The following GPC5 variants were observed in gnomAD, a reference collection of about 807,000 sequenced individuals.
The protein encoded by GPC5 is glypican 5, also known as glypican-5.
GPC5 carries 47 observed loss-of-function variants against 53.9 expected under a neutral mutation model. The observed-to-expected ratio is 0.87, with a 90% CI of 0.69 to 1.11. The LOEUF (loss-of-function observed/expected upper bound fraction) is 1.11, where lower values mean the gene tolerates loss of function less well. Among genes scored for constraint, GPC5 ranks in the 50% most tolerant of loss-of-function variants. The probability of loss-of-function intolerance (pLI) is 0.00; values close to 1 mark genes in which losing one functional copy is unlikely to be tolerated. For missense variants in GPC5, 748 were observed against 713.1 expected, an observed-to-expected ratio of 1.05 and a Z score of -0.56; for synonymous variants, 286 against 263.3, an observed-to-expected ratio of 1.09 and a Z score of -0.84.
chr13:91,756,074 T>TTAA (rs1566663081), intron 4 of GPC5, among the ~76,000 whole-genome samples: 3 of 21,830 alleles, frequency 1.4e-4, no homozygotes, highest in Admixed American at 5.4e-4. Context: ...GCTTTTTTTT[T>TTAA]GAAAAAAAAA....
intron 7 of GPC5, among the ~76,000 whole-genome samples, chr13:92,790,977 A>C (rs1407187160): frequency 6.6e-6 from 1 of 152,160 alleles, no homozygotes; most frequent in African/African-American, 2.4e-5. Context: ...AACTTTTAAT[A>C]AAGTAGGAAG....
intron 6 of GPC5, among the ~76,000 whole-genome samples, chr13:91,918,385 TG>T (rs1394424305): frequency 6.6e-6 from 1 of 152,230 alleles, no homozygotes; most frequent in Non-Finnish European, 1.5e-5. Flanking sequence ...AGTTTTCATT[TG>T]TATATGGAAC....
chr13:92,405,812 G>C (rs551256354), intron 7 of GPC5, among the ~76,000 whole-genome samples: 23 of 152,246 alleles, frequency 1.5e-4, no homozygotes, highest in African/African-American at 5.5e-4. Context: ...CACGTCCTCT[G>C]AAATCACACG....
chr13:92,395,910 T>G (rs1488453669), intron 7 of GPC5, among the ~76,000 whole-genome samples: 39 of 151,670 alleles, frequency 2.6e-4, no homozygotes, highest in African/African-American at 8.4e-4. Flanking sequence ...TGTTTCTGTT[T>G]TTTTTTTTTT....
Position 92,762,690 on chromosome 13 carries a change from G to A in GPC5, c.1562-103592G>A, listed in dbSNP as rs139034769. On this transcript the variant is annotated intron_variant, in intron 7 of 7. Transcript: ENST00000377067. ...TTTTTCCATCTTTGTCTCTTCTCAC[G>A]AAATGCCTACAATGCAAATATTTGT... Among the ~76,000 whole-genome samples the A allele has an allele frequency of 2.1e-3, 317 of 152,042 alleles. 1 individual carries two copies. The highest frequency in any genetic ancestry group is 7.3e-3 in the African/African-American group (301 of 41,502).
chr13:92,806,192 C>A (rs552056860), intron 7 of GPC5, among the ~76,000 whole-genome samples: 1 of 152,112 alleles, frequency 6.6e-6, no homozygotes, highest in African/African-American at 2.4e-5. Context: ...TTTTATGTTA[C>A]GGAGATGGCT....
chr13:92,532,739 C>A (rs1421012331), intron 7 of GPC5, among the ~76,000 whole-genome samples: 2 of 152,092 alleles, frequency 1.3e-5, no homozygotes, highest in African/African-American at 4.8e-5. Context: ...AGGTCCAAAC[C>A]TCTCCATTGC....
intron 6 of GPC5, among the ~76,000 whole-genome samples, chr13:92,013,494 A>G (rs1311363097): frequency 6.6e-6 from 1 of 152,160 alleles, no homozygotes. Flanking sequence ...GGGGTTGGCC[A>G]TTGGTAGTTT....
At chr13:92,710,836 A>G (rs530709642) in intron 7 of GPC5, among the ~76,000 whole-genome samples, 2 of 152,218 alleles carry the variant, frequency 1.3e-5, no homozygotes, top group Non-Finnish European at 2.9e-5. Context: ...TTCTTTAAAC[A>G]CCTAATGATA....
At chr13:92,851,988 A>G (rs1878823673) in intron 7 of GPC5, among the ~76,000 whole-genome samples, 1 of 152,004 alleles carries the variant, frequency 6.6e-6, no homozygotes, top group Non-Finnish European at 1.5e-5. Flanking sequence ...TACAATGAGG[A>G]GGTGAAACCA....
chr13:91,835,693 A>G (rs1760997798), intron 5 of GPC5, among the ~76,000 whole-genome samples: 1 of 151,004 alleles, frequency 6.6e-6, no homozygotes, highest in Non-Finnish European at 1.5e-5. Flanking sequence ...ATGAGAACAC[A>G]TGGACACAGG....
At chr13:92,658,750 T>C (rs1197789100) in intron 7 of GPC5, among the ~76,000 whole-genome samples, 1 of 151,988 alleles carries the variant, frequency 6.6e-6, no homozygotes, top group East Asian at 1.9e-4. Context: ...AGAAGAAATA[T>C]TTCAGAAAAG....
intron 3 of GPC5, among the ~76,000 whole-genome samples, chr13:91,722,663 G>T (rs913347838): frequency 6.6e-6 from 1 of 152,070 alleles, no homozygotes; most frequent in African/African-American, 2.4e-5. Context: ...ATATGAGTTA[G>T]AATGGGAAAA....
intron 6 of GPC5, among the ~76,000 whole-genome samples, chr13:91,969,462 G>A (rs1449870127): frequency 1.3e-5 from 2 of 152,026 alleles, no homozygotes; most frequent in African/African-American, 2.4e-5. Flanking sequence ...CACTGGTCTT[G>A]ATGGTAATTT....
At chr13:92,853,426 T>C (rs1234942356) in intron 7 of GPC5, among the ~76,000 whole-genome samples, 1 of 152,184 alleles carries the variant, frequency 6.6e-6, no homozygotes, top group African/African-American at 2.4e-5. Context: ...GGAAGATATA[T>C]AGGATATATA....
chr13:92,718,204 A>G (rs2139282155), intron 7 of GPC5, among the ~76,000 whole-genome samples: 1 of 152,314 alleles, frequency 6.6e-6, no homozygotes, highest in African/African-American at 2.4e-5. Context: ...TGCTAGGTAT[A>G]TACCCAAAAG....
intron 7 of GPC5, among the ~76,000 whole-genome samples, chr13:92,474,648 C>A (rs1011618531): frequency 2.7e-5 from 4 of 150,648 alleles, no homozygotes; most frequent in South Asian, 2.1e-4. Context: ...AAAAAAAAAA[C>A]CTCTCCAGTG....
intron 7 of GPC5, among the ~76,000 whole-genome samples, chr13:92,685,313 T>A (rs1377122043): frequency 6.6e-6 from 1 of 152,028 alleles, no homozygotes; most frequent in Non-Finnish European, 1.5e-5. Flanking sequence ...CAGGCTAATC[T>A]TGAACTCCTG....
intron 3 of GPC5, among the ~76,000 whole-genome samples, chr13:91,723,230 C>T (rs1359962807): frequency 2.6e-5 from 4 of 151,864 alleles, no homozygotes; most frequent in Admixed American, 2.6e-4. Context: ...TCTCCTCCTC[C>T]TTTTTTGTGG....
Sources: allele counts gnomAD v4.1 joint callset (sites outside exome capture counted in the v4.1 genomes callset), GRCh38; gene constraint gnomAD v4.1.1; transcripts MANE v1.5; gene names NCBI Gene and HGNC (gene_info 2026-07-23, HGNC 2026-07-21).